DLG2: variants seen among roughly 807,000 people sequenced by gnomAD.
DLG2 encodes the protein discs large MAGUK scaffold protein 2.
In DLG2, 45 loss-of-function variants were observed where a neutral mutation model predicts 132.5. The observed-to-expected ratio is 0.34, with a 90% CI of 0.27 to 0.44. The LOEUF (loss-of-function observed/expected upper bound fraction) is 0.44. DLG2 is among the 20% of genes least tolerant of loss of function. DLG2 has a pLI of 1.00. For synonymous variants in DLG2, 424 were observed against 419.6 expected, an observed-to-expected ratio of 1.01 and a Z score of -0.13; for missense variants, 1,045 against 1,196.9, an observed-to-expected ratio of 0.87 and a Z score of 1.87.
In DLG2 at chr11:85,174,671, C is replaced by G. The variant is rs76247224; in HGVS notation, c.187-20020G>C. On this transcript the variant is annotated intron_variant, in intron 4 of 27. Transcript: ENST00000376104. ...AAACCCTTCAAAAAAGTCAATAAAT[C>G]CAGGAGCTGATTTTTTGAAACTATT... Among the ~76,000 whole-genome samples, 1,413 of 152,076 alleles carry G rather than the reference C, an allele frequency of 9.3e-3. 16 individuals carry two copies. Among genetic ancestry groups the G allele is most frequent in the African/African-American group, 0.032 (1,323 of 41,500 alleles).
At chr11:84,129,771 T>C (rs985416776) in intron 9 of DLG2, among the ~76,000 whole-genome samples, 1 of 151,778 alleles carries the variant, frequency 6.6e-6, no homozygotes. Flanking sequence ...GATTATGGGG[T>C]CTTAAATATG....
chr11:84,964,566 G>A (rs1283805320), intron 6 of DLG2, among the ~76,000 whole-genome samples: 1 of 152,024 alleles, frequency 6.6e-6, no homozygotes. Context: ...GCTATACATG[G>A]AGAAAATAAA....
chr11:83,775,616 C>G (rs1243702702), intron 18 of DLG2, among the ~76,000 whole-genome samples: 1 of 152,104 alleles, frequency 6.6e-6, no homozygotes, highest in African/African-American at 2.4e-5. Context: ...CCCATTCTCT[C>G]TACATCTTTC....
chr11:83,975,571 G>T (rs2092076765), intron 12 of DLG2, among the ~76,000 whole-genome samples: 1 of 151,710 alleles, frequency 6.6e-6, no homozygotes, highest in African/African-American at 2.4e-5. Flanking sequence ...TATTTACAAA[G>T]GTCACATACT....
intron 18 of DLG2, among the ~76,000 whole-genome samples, chr11:83,767,986 C>G (rs949932425): frequency 6.6e-6 from 1 of 152,136 alleles, no homozygotes; most frequent in African/African-American, 2.4e-5. Context: ...ATCTTTGCCT[C>G]TCTTCATAAG....
chr11:83,550,431 C>T (rs1473831734), intron 19 of DLG2, among the ~76,000 whole-genome samples: 3 of 152,134 alleles, frequency 2.0e-5, no homozygotes, highest in Non-Finnish European at 4.4e-5. Flanking sequence ...TCTCCAGGGA[C>T]GGGGCCCATT....
At chr11:85,520,041 A>T (rs2074160067) in intron 3 of DLG2, among the ~76,000 whole-genome samples, 1 of 147,278 alleles carries the variant, frequency 6.8e-6, no homozygotes, top group African/African-American at 2.5e-5. Context: ...CACCTGGCTA[A>T]TTTTTTTTTT....
chr11:85,362,215 C>T (rs1189388865), intron 3 of DLG2, among the ~76,000 whole-genome samples: 1 of 152,188 alleles, frequency 6.6e-6, no homozygotes, highest in Non-Finnish European at 1.5e-5. Context: ...TTGGGCACCC[C>T]AAGTGCTGGA....
chr11:83,890,391 T>C (rs2069421467), intron 15 of DLG2, among the ~76,000 whole-genome samples: 1 of 152,178 alleles, frequency 6.6e-6, no homozygotes, highest in African/African-American at 2.4e-5. Flanking sequence ...CCCATGCTCA[T>C]AATGAACTCA....
intron 7 of DLG2, among the ~76,000 whole-genome samples, chr11:84,363,798 T>C (rs1336393217): frequency 6.6e-6 from 1 of 151,702 alleles, no homozygotes; most frequent in African/African-American, 2.4e-5. Context: ...TTTTCTCAGG[T>C]TTGTCAAAGA....
chr11:85,608,712 C>T (rs1348926395), intron 2 of DLG2, among the ~76,000 whole-genome samples: 2 of 152,066 alleles, frequency 1.3e-5, no homozygotes, highest in East Asian at 1.9e-4. Context: ...GGGAATTTGG[C>T]CCCACCCAGG....
intron 7 of DLG2, among the ~76,000 whole-genome samples, chr11:84,267,778 T>A (rs940329928): frequency 6.6e-6 from 1 of 152,224 alleles, no homozygotes; most frequent in African/African-American, 2.4e-5. Context: ...TCTTTTACAT[T>A]TCTGCACAAA....
At chr11:84,458,330 A>G (rs540001375) in intron 7 of DLG2, among the ~76,000 whole-genome samples, 8 of 150,990 alleles carry the variant, frequency 5.3e-5, no homozygotes, top group African/African-American at 1.4e-4. Context: ...GACTTCTGCT[A>G]AGTGTTGCCA....
In DLG2 at chr11:84,824,429, G is replaced by A. The variant is rs117721550; in HGVS notation, c.357+287232C>T. On this transcript the variant is annotated intron_variant, in intron 6 of 27. Transcript: ENST00000376104. ...GATTTTAAACAGTAAATACTATGGG[G>A]TTTACAAAGATAAATTTCTTTATTT... 1.3e-3 allele frequency among the ~76,000 whole-genome samples: 194 copies of A among 152,030 alleles called. 1 individual carries two copies. The East Asian group carries it at 0.027, about 21-fold the overall frequency.
rs565614379 is a variant in DLG2, at chr11:83,739,225, A to G, written c.1825+47465T>C. Among the ~76,000 whole-genome samples the G allele has an allele frequency of 3.8e-4, 58 of 152,278 alleles. No homozygotes were observed. In the South Asian group the frequency reaches 0.01, roughly 27 times the overall value. The stretch of plus-strand genomic sequence containing the variant: ...TCACAGAATCTTTACAGTATTTTGT[A>G]ATAATCTGAAAAGTGGCCATAAGAA... On this transcript the variant is annotated intron_variant, in intron 18 of 27. Coordinates refer to ENST00000376104, the MANE Select transcript of DLG2 (RefSeq NM_001142699.3).
At chr11:85,375,671 T>C (rs933206734) in intron 3 of DLG2, among the ~76,000 whole-genome samples, 10 of 152,258 alleles carry the variant, frequency 6.6e-5, no homozygotes, top group Non-Finnish European at 1.3e-4. Flanking sequence ...TTCCTGCTTA[T>C]GCTACTAGTC....
At chr11:85,298,460 A>T (rs2079380525) in intron 3 of DLG2, among the ~76,000 whole-genome samples, 1 of 152,162 alleles carries the variant, frequency 6.6e-6, no homozygotes, top group South Asian at 2.1e-4. Context: ...GATAGGATGC[A>T]ATGAAAAGAT....
intron 9 of DLG2, among the ~76,000 whole-genome samples, chr11:84,159,283 A>G (rs2095495315): frequency 6.6e-6 from 1 of 152,220 alleles, no homozygotes; most frequent in Non-Finnish European, 1.5e-5. Flanking sequence ...AATAAATAAT[A>G]TACATTTCAG....
At chr11:85,477,852 T>A (rs953695831) in intron 3 of DLG2, among the ~76,000 whole-genome samples, 3 of 152,200 alleles carry the variant, frequency 2.0e-5, no homozygotes, top group Admixed American at 1.3e-4. Flanking sequence ...AATTTAATAA[T>A]GTATTCATAG....
Sources: allele counts gnomAD v4.1 joint callset (sites outside exome capture counted in the v4.1 genomes callset), GRCh38; gene constraint gnomAD v4.1.1; transcripts MANE v1.5; gene names NCBI Gene and HGNC (gene_info 2026-07-23, HGNC 2026-07-21).